PRKG1: variants seen among roughly 807,000 people sequenced by gnomAD.
PRKG1 encodes the protein protein kinase cGMP-dependent 1.
Under a neutral mutation model 88.1 loss-of-function variants are expected in PRKG1, and 35 were observed. That is an observed-to-expected ratio of 0.40 (90% confidence interval 0.30 to 0.53). The LOEUF is 0.53. PRKG1 is among the 20% of genes least tolerant of loss of function. PRKG1 has a pLI of 0.59. For synonymous variants in PRKG1, 303 were observed against 292.5 expected (o/e 1.04, Z -0.37); for missense variants, 540 against 839.8 (o/e 0.64, Z 4.41).
chr10:51,512,764 C>T (rs1163476446), intron 3 of PRKG1, among the ~76,000 whole-genome samples: 14 of 59,512 alleles, frequency 2.4e-4, no homozygotes, highest in Admixed American at 4.3e-4. Context: ...CCTGAGGAAT[C>T]GCCACACTGA....
At chr10:51,193,243 G>A (rs768356912) in intron 2 of PRKG1, among the ~76,000 whole-genome samples, 1 of 151,968 alleles carries the variant, frequency 6.6e-6, no homozygotes, top group Non-Finnish European at 1.5e-5. Flanking sequence ...CTCGAGCATA[G>A]AGTAGCTTTT....
At chr10:51,415,769 A>T (rs1275291461) in intron 2 of PRKG1, among the ~76,000 whole-genome samples, 2 of 152,124 alleles carry the variant, frequency 1.3e-5, no homozygotes, top group Non-Finnish European at 2.9e-5. Context: ...AAGACTGCCC[A>T]CCGCTTTATT....
At chr10:51,336,778 G>T (rs1041017693) in intron 2 of PRKG1, among the ~76,000 whole-genome samples, 5 of 152,110 alleles carry the variant, frequency 3.3e-5, no homozygotes, top group Non-Finnish European at 7.4e-5. Context: ...ACAGGATTTG[G>T]CCAAAACAAA....
chr10:51,997,279 T>G (rs1487944345), intron 5 of PRKG1, among the ~76,000 whole-genome samples: 1 of 151,968 alleles, frequency 6.6e-6, no homozygotes, highest in African/African-American at 2.4e-5. Flanking sequence ...GAGCCCATCC[T>G]GGCCAACATG....
intron 5 of PRKG1, among the ~76,000 whole-genome samples, chr10:52,029,651 G>A (rs1350336586): frequency 6.6e-6 from 1 of 152,182 alleles, no homozygotes; most frequent in Non-Finnish European, 1.5e-5. Flanking sequence ...GGATCACTTG[G>A]AGAACTTTAA....
intron 6 of PRKG1, among the ~76,000 whole-genome samples, chr10:52,058,649 C>A (rs1846166085): frequency 1.3e-5 from 2 of 151,840 alleles, no homozygotes; most frequent in South Asian, 2.1e-4. Context: ...AGACTTTATA[C>A]CTTACATAAA....
intron 2 of PRKG1, among the ~76,000 whole-genome samples, chr10:51,306,209 T>C (rs2132249612): frequency 6.6e-6 from 1 of 152,316 alleles, no homozygotes; most frequent in African/African-American, 2.4e-5. Flanking sequence ...CTGGATAGGC[T>C]TGAGAGTATA....
rs1375355806 is a variant in PRKG1 at position 50,991,290 on chromosome 10, C to A, written c.-89C>A. On this transcript the variant is annotated 5_prime_UTR_variant, in exon 1 of 18. Transcript: ENST00000401604. This position sits in a 1 kb window ranked among gnomAD's most constrained non-coding sequence, Gnocchi z 4.5. ...CCATTCACTCGCTCACCCGCGCTCT[C>A]CGCTGCCGGCTGCCGTCCCAGCCGC... 9.0e-6 allele frequency: 13 copies of A among 1,447,722 alleles called. 2 individuals are homozygous for A. The Admixed American group carries it at 3.5e-4, about 39-fold the overall frequency. The allele number at this position is 1,447,722 out of a possible 1,614,324, so 89.7% of individuals were successfully genotyped here.
At chr10:51,921,438 C>G (rs1842460765) in intron 5 of PRKG1, among the ~76,000 whole-genome samples, 1 of 152,036 alleles carries the variant, frequency 6.6e-6, no homozygotes, top group Non-Finnish European at 1.5e-5. Flanking sequence ...GATGAGACTT[C>G]TAATATAATG....
intron 5 of PRKG1, among the ~76,000 whole-genome samples, chr10:51,959,706 C>G (rs1364366058): frequency 3.9e-5 from 6 of 151,984 alleles, no homozygotes; most frequent in Non-Finnish European, 8.8e-5. Flanking sequence ...ATTTGTTGGG[C>G]TCAGTGACTG....
At chr10:51,045,307 ATATTTATTTATT>A (rs113146187) in intron 1 of PRKG1, among the ~76,000 whole-genome samples, 1 of 150,848 alleles carries the variant, frequency 6.6e-6, no homozygotes, top group African/African-American at 2.5e-5. Context: ...ATAGAAAAAA[ATATTTATTTATT>A]TATTTATTTA....
intron 1 of PRKG1, among the ~76,000 whole-genome samples, chr10:51,049,338 A>T (rs142051319): frequency 6.6e-6 from 1 of 152,222 alleles, no homozygotes; most frequent in Non-Finnish European, 1.5e-5. Flanking sequence ...CATAACTGCC[A>T]CTTGAGTGTG....
chr10:51,233,458 T>C (rs921358798), intron 2 of PRKG1, among the ~76,000 whole-genome samples: 3 of 152,190 alleles, frequency 2.0e-5, no homozygotes. Context: ...TAGGGTTTAA[T>C]AAAAATAGTT....
At chr10:51,542,448 A>G (rs1384966191) in intron 3 of PRKG1, among the ~76,000 whole-genome samples, 1 of 152,188 alleles carries the variant, frequency 6.6e-6, no homozygotes, top group African/African-American at 2.4e-5. Flanking sequence ...CCAGGTAATG[A>G]GTAGGAATGC....
chr10:51,430,119 T>TAA (rs36116134), intron 2 of PRKG1, among the ~76,000 whole-genome samples: 1 of 141,662 alleles, frequency 7.1e-6, no homozygotes, highest in Non-Finnish European at 1.6e-5. Flanking sequence ...TGGCTACAAT[T>TAA]AAAAAAAAAA....
At chr10:51,448,604 G>A (rs754987767) in intron 2 of PRKG1, among the ~76,000 whole-genome samples, 13 of 151,854 alleles carry the variant, frequency 8.6e-5, no homozygotes, top group Admixed American at 2.0e-4. Context: ...AACAACAAAC[G>A]AACAACAAGC....
At chr10:51,282,735 T>G (rs548643377) in intron 2 of PRKG1, among the ~76,000 whole-genome samples, 1 of 152,230 alleles carries the variant, frequency 6.6e-6, no homozygotes, top group Non-Finnish European at 1.5e-5. Flanking sequence ...ACTTGATTAC[T>G]TTCAGATTTT....
rs948100886 is a variant in PRKG1, at chr10:51,066,849, A to G, written c.266+75205A>G. ...GAAACCCTTTTTCATTACATTTATT[A>G]CCATTTTAAGGAAGTAGTGTTCTTT... On this transcript the variant is annotated intron_variant, in intron 1 of 17. Transcript: ENST00000401604. Among the ~76,000 whole-genome samples the G allele has an allele frequency of 7.9e-5, 12 of 152,120 alleles. No individual in the cohort carries two copies. In the South Asian group the frequency reaches 2.5e-3, roughly 32 times the overall value.
chr10:52,088,216 T>A (rs978621167), intron 7 of PRKG1, among the ~76,000 whole-genome samples: 11 of 152,116 alleles, frequency 7.2e-5, no homozygotes, highest in African/African-American at 2.6e-4. Context: ...AATTTAAAAA[T>A]TTGAAAAACT....
Sources: gnomAD v4.1 joint callset for allele counts (sites outside exome capture counted in the v4.1 genomes callset) on GRCh38, gnomAD v4.1.1 for gene constraint, Gnocchi (gnomAD v3.1) non-coding constraint, MANE v1.5 for transcripts, NCBI Gene and HGNC (gene_info 2026-07-23, HGNC 2026-07-21) for gene names.